Variants in MARCHF3 observed in about 807,000 individuals in gnomAD.
MARCHF3 encodes the protein membrane associated ring-CH-type finger 3, also known as E3 ubiquitin-protein ligase MARCHF3.
In MARCHF3, 13 loss-of-function variants were observed where a neutral mutation model predicts 24.2. That is an observed-to-expected ratio of 0.54 (90% CI 0.35 to 0.85). MARCHF3 has a LOEUF of 0.85. Ranked by LOEUF, MARCHF3 falls within the 40% of genes least tolerant of loss-of-function variation. MARCHF3 has a pLI of 0.01. For missense variants in MARCHF3, 276 were observed against 325.0 expected (o/e 0.85, Z 1.16); for synonymous variants, 144 against 137.3 (o/e 1.05, Z -0.34).
chr5:127,022,211 G>A (rs1178806837), intron 1 of MARCHF3, among the ~76,000 whole-genome samples: 1 of 152,204 alleles, frequency 6.6e-6, no homozygotes, highest in Non-Finnish European at 1.5e-5. Context: ...TGTGTAGGCT[G>A]TCAGAGCATG....
Position 126,874,627 on chromosome 5 carries a change from CT to C in MARCHF3, c.603+3557del, listed in dbSNP as rs1170446892. 3.3e-5 allele frequency among the ~76,000 whole-genome samples: 5 copies of C among 151,332 alleles called. No individual in the cohort carries two copies. In the East Asian group the frequency reaches 9.7e-4, roughly 29 times the overall value. ...AAAGTCACAGAAGGCTTTGGGATAT[CT>C]GATTACATATTTTGATTTTGCCCTT... is the stretch of plus-strand genomic sequence containing the variant. On this transcript the variant is annotated intron_variant, in intron 4 of 4. Coordinates refer to ENST00000308660, the MANE Select transcript of MARCHF3 (RefSeq NM_178450.5).
In MARCHF3 at chr5:126,970,809, T is replaced by C. The variant is rs1465995012; in HGVS notation, c.-56-52582A>G. On this transcript the variant is annotated intron_variant, in intron 1 of 4. Coordinates refer to ENST00000308660, the MANE Select transcript of MARCHF3 (RefSeq NM_178450.5). ...CCAGCCAAAAGCTTCATTTTCCTAC[T>C]TCCTGTCATTTCCAAAACCACAGCT... is the stretch of plus-strand genomic sequence containing the variant. Among the ~76,000 whole-genome samples, 12 of 152,320 alleles carry C rather than the reference T, an allele frequency of 7.9e-5. No individual in the cohort carries two copies. The East Asian group carries it at 2.3e-3, about 29-fold the overall frequency.
chr5:126,940,740 C>T (rs1275788488), intron 1 of MARCHF3, among the ~76,000 whole-genome samples: 4 of 151,302 alleles, frequency 2.6e-5, no homozygotes, highest in African/African-American at 9.8e-5. Flanking sequence ...AGCCACTGTG[C>T]CCGGCCTAAC....
intron 1 of MARCHF3, among the ~76,000 whole-genome samples, chr5:126,941,037 T>C (rs1243098157): frequency 1.3e-5 from 2 of 152,190 alleles, no homozygotes; most frequent in Non-Finnish European, 2.9e-5. Flanking sequence ...CAAAAATTAA[T>C]GAATGTGACA....
rs375144016 is a variant in MARCHF3 at position 126,976,479 on chromosome 5, G to A, written c.-57+53871C>T. 1.5e-3 allele frequency among the ~76,000 whole-genome samples: 222 copies of A among 152,308 alleles called. 5 individuals are homozygous for A. The South Asian group carries it at 0.042, about 29-fold the overall frequency. On this transcript the variant is annotated intron_variant, in intron 1 of 4. Coordinates refer to ENST00000308660, the MANE Select transcript of MARCHF3 (RefSeq NM_178450.5). ...TTTGGGCTACCCTGGCTTCCTTGCAGAACTATCTGACCCTCTACTGGGGCA... is the reference window on the plus strand; with the variant it reads ...TTTGGGCTACCCTGGCTTCCTTGCAAAACTATCTGACCCTCTACTGGGGCA...
chr5:127,004,294 CCT>C (rs1395798827), intron 1 of MARCHF3, among the ~76,000 whole-genome samples: 1 of 152,024 alleles, frequency 6.6e-6, no homozygotes, highest in Non-Finnish European at 1.5e-5. Context: ...TGGAAATGGC[CCT>C]GACACAGATC....
chr5:127,016,046 T>C lies in MARCHF3; in HGVS notation c.-57+14304A>G, dbSNP rs529033515. On this transcript the variant is annotated intron_variant, in intron 1 of 4. Coordinates refer to ENST00000308660, the MANE Select transcript of MARCHF3 (RefSeq NM_178450.5). ...TTAATAATGGCCCTAAGAGTAGTGA[T>C]GCTGGCATATTGTTATAATTGTTCT... Among the ~76,000 whole-genome samples the C allele has an allele frequency of 1.7e-4, 26 of 152,320 alleles. No homozygotes were observed. The South Asian group carries it at 5.0e-3, about 29-fold the overall frequency.
chr5:126,955,033 A>T (rs561968493), intron 1 of MARCHF3, among the ~76,000 whole-genome samples: 1 of 152,268 alleles, frequency 6.6e-6, no homozygotes, highest in African/African-American at 2.4e-5. Context: ...TAACATCCAT[A>T]CTCTAAAGTC....
intron 3 of MARCHF3, among the ~76,000 whole-genome samples, chr5:126,890,736 C>T (rs984429243): frequency 2.0e-5 from 3 of 150,924 alleles, no homozygotes; most frequent in South Asian, 4.2e-4. Flanking sequence ...TGAATAATGC[C>T]GCAATAAACA....
chr5:126,959,099 G>C (rs543038952), intron 1 of MARCHF3, among the ~76,000 whole-genome samples: 42 of 152,224 alleles, frequency 2.8e-4, no homozygotes, highest in African/African-American at 9.4e-4. Flanking sequence ...TATTCCTTGA[G>C]TATAGGCCAT....
rs1375581703 is a variant in MARCHF3 at position 126,915,247 on chromosome 5, C to T, written c.189-113G>A. 8 of 973,318 alleles carry T rather than the reference C, an allele frequency of 8.2e-6. No individual in the cohort carries two copies. The Admixed American group carries it at 1.8e-4, about 22-fold the overall frequency. 60.3% of individuals were successfully genotyped at this position (973,318 alleles called of 1,614,324 possible). On this transcript the variant is annotated intron_variant, in intron 2 of 4. Transcript: ENST00000308660. Reference sequence around the variant, plus strand: ...TCCCCAGAGGCAGCTGCTTTAAGACCTCTTAGATCTACACTTGACCTTGGC... The same window carrying T: ...TCCCCAGAGGCAGCTGCTTTAAGACTTCTTAGATCTACACTTGACCTTGGC...
At chr5:126,995,268 C>A (rs553373068) in intron 1 of MARCHF3, among the ~76,000 whole-genome samples, 1 of 152,192 alleles carries the variant, frequency 6.6e-6, no homozygotes, top group Non-Finnish European at 1.5e-5. Flanking sequence ...AGCACTAATA[C>A]GTAAATCAAT....
chr5:127,026,967 C>T (rs932086852), intron 1 of MARCHF3, among the ~76,000 whole-genome samples: 2 of 152,158 alleles, frequency 1.3e-5, no homozygotes, highest in Admixed American at 1.3e-4. Context: ...GTTTTTTTAG[C>T]TACTTGGATG....
At chr5:126,923,942 C>T (rs1174135583) in intron 1 of MARCHF3, among the ~76,000 whole-genome samples, 1 of 148,654 alleles carries the variant, frequency 6.7e-6, no homozygotes, top group African/African-American at 2.6e-5. Context: ...TCCATCCATT[C>T]ACTATTTTTT....
intron 1 of MARCHF3, among the ~76,000 whole-genome samples, chr5:126,960,729 C>A (rs1296479054): frequency 5.9e-5 from 9 of 152,066 alleles, no homozygotes; most frequent in Admixed American, 2.0e-4. Flanking sequence ...ACATTCACAG[C>A]AATGATATTT....
chr5:126,910,842 C>T (rs1310315481), intron 3 of MARCHF3, among the ~76,000 whole-genome samples: 1 of 152,146 alleles, frequency 6.6e-6, no homozygotes, highest in Admixed American at 6.5e-5. Context: ...GTGAGCTGGG[C>T]AGAACAGAGC....
chr5:126,988,966 G>A (rs2126841365), intron 1 of MARCHF3, among the ~76,000 whole-genome samples: 1 of 152,262 alleles, frequency 6.6e-6, no homozygotes, highest in African/African-American at 2.4e-5. Flanking sequence ...TGAAAGAGGA[G>A]ATTTTTAAAT....
At chr5:126,910,507 G>C (rs1015845433) in intron 3 of MARCHF3, among the ~76,000 whole-genome samples, 1 of 152,190 alleles carries the variant, frequency 6.6e-6, no homozygotes, top group Non-Finnish European at 1.5e-5. Flanking sequence ...CGGAGGGACC[G>C]GCTGAAGCCA....
At position 126,965,999 on chromosome 5, in the gene MARCHF3, A is replaced by G. The variant is rs369888527; in HGVS notation, c.-56-47772T>C. 2.6e-4 allele frequency among the ~76,000 whole-genome samples: 39 copies of G among 152,392 alleles called. No homozygotes were observed. In the South Asian group the frequency reaches 7.5e-3, roughly 29 times the overall value. On this transcript the variant is annotated intron_variant, in intron 1 of 4. Transcript: ENST00000308660. ...ATATTGATGTAATGAATTACTACTC[A>G]GTAATAAAATGGAATGAACTACTAA...
Sources: gnomAD v4.1 joint callset for allele counts (sites outside exome capture counted in the v4.1 genomes callset) on GRCh38, gnomAD v4.1.1 for gene constraint, MANE v1.5 for transcripts, NCBI Gene and HGNC (gene_info 2026-07-23, HGNC 2026-07-21) for gene names.